The following DGKB variants were observed in gnomAD, a reference collection of about 807,000 sequenced individuals.
DGKB encodes the protein diacylglycerol kinase beta.
In DGKB, 67 loss-of-function variants were observed where a neutral mutation model predicts 114.3. That is an observed-to-expected ratio of 0.59 (90% CI 0.48 to 0.72). The LOEUF (loss-of-function observed/expected upper bound fraction) is 0.72, where lower values mean the gene tolerates loss of function less well. DGKB is among the 30% of genes least tolerant of loss of function. The pLI is 0.00. For synonymous variants in DGKB, 398 were observed against 323.1 expected, an observed-to-expected ratio of 1.23 and a Z score of -2.49; for missense variants, 907 against 975.2, an observed-to-expected ratio of 0.93 and a Z score of 0.93.
At chr7:14,773,875 T>C (rs1436150986) in intron 2 of DGKB, among the ~76,000 whole-genome samples, 3 of 152,114 alleles carry the variant, frequency 2.0e-5, no homozygotes, top group Non-Finnish European at 4.4e-5. Flanking sequence ...TACATTTCCA[T>C]GAACCCACAT....
chr7:14,685,135 G>T, intron 10 of DGKB, 110 bp downstream of exon 10: 1 of 668,788 alleles, frequency 1.5e-6, no homozygotes, highest in Non-Finnish European at 2.6e-6. Context: ...CACATGTACA[G>T]AGACAGTCCA....
Position 14,282,557 on chromosome 7 carries a change from C to A in DGKB, c.2122+55958G>T, listed in dbSNP as rs1162645211. Among the ~76,000 whole-genome samples the A allele has an allele frequency of 1.7e-4, 25 of 151,296 alleles. No individual in the cohort carries two copies. In the East Asian group the frequency reaches 3.1e-3, roughly 19 times the overall value. On this transcript the variant is annotated intron_variant, in intron 23 of 25. Coordinates refer to ENST00000402815, the MANE Select transcript of DGKB (RefSeq NM_001350709.2). The stretch of plus-strand genomic sequence containing the variant: ...TACCAAAGCCGGGCAGAGACACAAC[C>A]AAAAAAGAGAATTTTAGACCAATAT...
Position 14,641,934 on chromosome 7 carries a change from C to T in DGKB, c.1135-11666G>A, listed in dbSNP as rs975394267. On this transcript the variant is annotated intron_variant, in intron 13 of 25. Transcript: ENST00000402815. Reference sequence around the variant, plus strand: ...AAGTAGATAAATTAATTTGAAGTGACGTAGGTTCTTTTTCATTCAGTTTAA... The same window carrying T: ...AAGTAGATAAATTAATTTGAAGTGATGTAGGTTCTTTTTCATTCAGTTTAA... Among the ~76,000 whole-genome samples the T allele has an allele frequency of 1.6e-4, 24 of 152,044 alleles. No homozygotes were observed. The East Asian group carries it at 2.9e-3, about 18-fold the overall frequency.
At chr7:14,933,871 C>CA (rs956184675) in intron 1 of DGKB, among the ~76,000 whole-genome samples, 4 of 152,036 alleles carry the variant, frequency 2.6e-5, no homozygotes, top group Non-Finnish European at 4.4e-5. Flanking sequence ...CTGAAAATTA[C>CA]AAAAAATTGC....
intron 23 of DGKB, among the ~76,000 whole-genome samples, chr7:14,228,321 C>T (rs1048405078): frequency 6.6e-6 from 1 of 152,050 alleles, no homozygotes; most frequent in Non-Finnish European, 1.5e-5. Context: ...TGGACATGCT[C>T]TGGCACATAG....
intron 1 of DGKB, among the ~76,000 whole-genome samples, chr7:14,924,678 G>C (rs1784668183): frequency 6.6e-6 from 1 of 151,830 alleles, no homozygotes; most frequent in South Asian, 2.1e-4. Context: ...TTTCTAGATT[G>C]TTTTGTTTCA....
At position 14,729,289 on chromosome 7, in the gene DGKB, A is replaced by AT. The variant is rs546413430; in HGVS notation, c.322+6751dup. On this transcript the variant is annotated intron_variant, in intron 5 of 25. Transcript: ENST00000402815. ...AGGCGCCTGCCACCACATCCGGCTA[A>AT]TTTTTTGTATTTTTAGTAGAGACCA... is the stretch of plus-strand genomic sequence containing the variant. Among the ~76,000 whole-genome samples, 862 of 130,568 alleles carry AT rather than the reference A, an allele frequency of 6.6e-3. 6 individuals are homozygous for AT. The highest frequency in any genetic ancestry group is 0.032 in the East Asian group (159 of 5,036). 85.7% of individuals were successfully genotyped at this position (130,568 alleles called of 152,430 possible).
intron 23 of DGKB, among the ~76,000 whole-genome samples, chr7:14,307,609 A>G (rs1003281967): frequency 6.6e-6 from 1 of 152,204 alleles, no homozygotes; most frequent in African/African-American, 2.4e-5. Context: ...TATTGTATTG[A>G]ATGTCAATTT....
At chr7:14,587,788 G>C (rs141232940) in intron 17 of DGKB, among the ~76,000 whole-genome samples, 89 of 152,054 alleles carry the variant, frequency 5.9e-4, no homozygotes, top group African/African-American at 2.1e-3. Flanking sequence ...CTAATTTTTC[G>C]CAATGAATTA....
intron 23 of DGKB, among the ~76,000 whole-genome samples, chr7:14,188,967 A>C (rs928934917): frequency 1.3e-5 from 2 of 152,150 alleles, no homozygotes; most frequent in South Asian, 4.1e-4. Flanking sequence ...AAGAAATAAA[A>C]ATTTTTGCAG....
chr7:14,239,449 C>T (rs10229230), intron 23 of DGKB, among the ~76,000 whole-genome samples: 103,128 of 151,796 alleles, frequency 0.68, 36,227 homozygotes, highest in African/African-American at 0.87. Flanking sequence ...TTGTGCAATT[C>T]TCTGTTTACT....
chr7:14,673,617 TAA>T (rs1433954546), intron 12 of DGKB, among the ~76,000 whole-genome samples: 2 of 152,088 alleles, frequency 1.3e-5, no homozygotes, highest in Non-Finnish European at 2.9e-5. Flanking sequence ...AGCTCAACGT[TAA>T]GTTAGTATAT....
intron 21 of DGKB, among the ~76,000 whole-genome samples, chr7:14,373,817 C>A (rs921592465): frequency 2.6e-5 from 4 of 152,054 alleles, no homozygotes; most frequent in Non-Finnish European, 5.9e-5. Context: ...TTTTAAAATT[C>A]ATTTTCTGAT....
chr7:14,811,366 C>G (rs1843408974), intron 2 of DGKB, among the ~76,000 whole-genome samples: 1 of 152,102 alleles, frequency 6.6e-6, no homozygotes, highest in Non-Finnish European at 1.5e-5. Context: ...CTCCACCACA[C>G]CTGGCCTAGT....
rs1445984358 is a variant in DGKB, at chr7:14,702,466, T to A, written c.467-736A>T. Among the ~76,000 whole-genome samples the A allele has an allele frequency of 2.6e-5, 4 of 152,236 alleles. No individual in the cohort carries two copies. The East Asian group carries it at 7.7e-4, about 29-fold the overall frequency. On this transcript the variant is annotated intron_variant, in intron 6 of 25. Coordinates refer to ENST00000402815, the MANE Select transcript of DGKB (RefSeq NM_001350709.2). ...GTAACTGATGTTTGAACTAATCAAG[T>A]AAGGGAAAGGAGAACATTGGGTCTC...
chr7:14,939,726 G>C (rs1374247105), intron 1 of DGKB, among the ~76,000 whole-genome samples: 1 of 127,650 alleles, frequency 7.8e-6, no homozygotes, highest in Non-Finnish European at 1.5e-5. Context: ...CCATTCTCCT[G>C]CCTCAGACTC....
intron 2 of DGKB, among the ~76,000 whole-genome samples, chr7:14,826,786 T>C (rs1845760592): frequency 6.6e-6 from 1 of 152,144 alleles, no homozygotes; most frequent in South Asian, 2.1e-4. Flanking sequence ...GTTAACATAG[T>C]TAAAATTTAG....
chr7:14,281,115 C>T (rs921686180), intron 23 of DGKB, among the ~76,000 whole-genome samples: 1 of 146,554 alleles, frequency 6.8e-6, no homozygotes, highest in Non-Finnish European at 1.5e-5. Context: ...TCAGGAAACC[C>T]ATCTCATGTG....
intron 1 of DGKB, among the ~76,000 whole-genome samples, chr7:14,974,346 A>G (rs1787667755): frequency 6.6e-6 from 1 of 152,100 alleles, no homozygotes; most frequent in African/African-American, 2.4e-5. Flanking sequence ...TAAAGTTGAC[A>G]ACAACAAAAA....
Sources: gnomAD v4.1 joint callset for allele counts (sites outside exome capture counted in the v4.1 genomes callset) on GRCh38, gnomAD v4.1.1 for gene constraint, MANE v1.5 for transcripts, NCBI Gene and HGNC (gene_info 2026-07-23, HGNC 2026-07-21) for gene names.